TTC21B: variants seen among roughly 807,000 people sequenced by gnomAD.
TTC21B encodes the protein tetratricopeptide repeat protein 21B.
Under a neutral mutation model 175.1 loss-of-function variants are expected in TTC21B, and 127 were observed. The observed-to-expected ratio is 0.73, with a 90% confidence interval of 0.63 to 0.84. The LOEUF is 0.84. Ranked by LOEUF, TTC21B falls within the 40% of genes least tolerant of loss-of-function variation. TTC21B has a pLI of 0.00. For missense variants in TTC21B, 1,561 were observed against 1,558.3 expected, an observed-to-expected ratio of 1.00 and a Z score of -0.03; for synonymous variants, 524 against 524.5, an observed-to-expected ratio of 1.00 and a Z score of 0.01.
intron 10 of TTC21B, 30 bp downstream of exon 10, chr2:165,929,620 T>C: frequency 6.9e-7 from 1 of 1,441,816 alleles, no homozygotes; most frequent in South Asian, 1.1e-5. Flanking sequence ...ACAGCTAGCA[T>C]CTACCAGCTG....
intron 4 of TTC21B, among the ~76,000 whole-genome samples, chr2:165,944,602 A>C (rs1476610841): frequency 6.6e-6 from 1 of 152,082 alleles, no homozygotes; most frequent in African/African-American, 2.4e-5. Context: ...CTGGATTTGC[A>C]CTCTAATAAA....
At position 165,890,579 on chromosome 2, in the gene TTC21B, A is replaced by C; in HGVS notation, c.3163T>G (p.Trp1055Gly). The C allele has an allele frequency of 6.2e-7, 1 of 1,613,800 alleles. No homozygotes were observed. The highest frequency in any genetic ancestry group is 8.5e-7 in the Non-Finnish European group (1 of 1,179,764). Residue 1055 changes from tryptophan (W) to glycine (G), a missense_variant, in exon 24 of 29, where the codon TGG becomes GGG. By Grantham distance (184) the Trp-to-Gly change is radical. Coordinates refer to ENST00000243344, the MANE Select transcript of TTC21B (RefSeq NM_024753.5). Reference sequence around the variant, plus strand: ...ATATTATAAAGGGCATTTTGGCCCCAGTCACGATCTTTCCGAGCTTTATTA... The same window carrying C: ...ATATTATAAAGGGCATTTTGGCCCCCGTCACGATCTTTCCGAGCTTTATTA... ...HFNKARKDRD[W>G]GQNALYNMIE...
At chr2:165,950,033 G>A (rs577990999) in intron 1 of TTC21B, 4 of 169,154 alleles carry the variant, frequency 2.4e-5, no homozygotes, top group East Asian at 3.3e-4. Flanking sequence ...TTTCTTGAAC[G>A]TTTTAGAAAA....
At chr2:165,912,378 CA>C in intron 17 of TTC21B, 135 bp downstream of exon 17, 1 of 753,720 alleles carries the variant, frequency 1.3e-6, no homozygotes, top group South Asian at 1.4e-5. Flanking sequence ...AGGCCTTTAA[CA>C]CAAATCCCAG....
chr2:165,918,981 C>A (rs921412969), intron 13 of TTC21B, among the ~76,000 whole-genome samples: 5 of 152,028 alleles, frequency 3.3e-5, no homozygotes, highest in African/African-American at 1.2e-4. Flanking sequence ...GCATTTAATT[C>A]TCATTGTAAC....
rs1170148790 is a variant in TTC21B at position 165,900,001 on chromosome 2, T to C, written c.2758-121A>G. On this transcript the variant is annotated intron_variant, in intron 20 of 28. Coordinates refer to ENST00000243344, the MANE Select transcript of TTC21B (RefSeq NM_024753.5). Reference sequence around the variant, plus strand: ...AGTCATTGCAATAAAATGCCAAGTATAATAGACAAAAAAAAAAAAAAAACA... The same window carrying C: ...AGTCATTGCAATAAAATGCCAAGTACAATAGACAAAAAAAAAAAAAAAACA... The C allele has an allele frequency of 3.1e-5, 4 of 127,992 alleles. No individual in the cohort carries two copies. The East Asian group carries it at 6.6e-4, about 21-fold the overall frequency. 7.9% of individuals were successfully genotyped at this position (127,992 alleles called of 1,614,324 possible).
intron 3 of TTC21B, chr2:165,947,846 C>T (rs779242831): frequency 1.3e-5 from 2 of 152,258 alleles, no homozygotes; most frequent in Non-Finnish European, 2.9e-5. Flanking sequence ...AGAGTTAGCA[C>T]TCAGGTTCCT....
At chr2:165,912,870 T>C (rs1463841180) in intron 16 of TTC21B, among the ~76,000 whole-genome samples, 1 of 152,192 alleles carries the variant, frequency 6.6e-6, no homozygotes, top group African/African-American at 2.4e-5. Context: ...AATAACAATA[T>C]GTGGACTAAG....
At chr2:165,951,456 A>T (rs1553516900) in intron 1 of TTC21B, among the ~76,000 whole-genome samples, 1 of 152,224 alleles carries the variant, frequency 6.6e-6, no homozygotes, top group Non-Finnish European at 1.5e-5. Context: ...AATAAAAAAA[A>T]AATGTGTCCT....
intron 12 of TTC21B, among the ~76,000 whole-genome samples, chr2:165,924,047 C>T (rs1224661573): frequency 6.6e-6 from 1 of 152,070 alleles, no homozygotes; most frequent in Non-Finnish European, 1.5e-5. Flanking sequence ...GCCACCGCAC[C>T]CAGCCATGAT....
chr2:165,901,058 T>C (rs1297968825), intron 20 of TTC21B, among the ~76,000 whole-genome samples: 1 of 151,842 alleles, frequency 6.6e-6, no homozygotes, highest in Non-Finnish European at 1.5e-5. Flanking sequence ...TATGCCACCA[T>C]GCCTGGCTAA....
chr2:165,873,421 A>G lies in TTC21B; in HGVS notation c.*1334T>C, dbSNP rs1684566874. Reference sequence around the variant, plus strand: ...AAAATTGAGGACTGTGTTTACTACAATTTTAAGGAAAATTGAAAAAGATGT... The same window carrying G: ...AAAATTGAGGACTGTGTTTACTACAGTTTTAAGGAAAATTGAAAAAGATGT... On this transcript the variant is annotated 3_prime_UTR_variant, in exon 29 of 29. Coordinates refer to ENST00000243344, the MANE Select transcript of TTC21B (RefSeq NM_024753.5). 6.6e-6 allele frequency: 1 copy of G among 152,204 alleles called. No homozygotes were observed. Among genetic ancestry groups the G allele is most frequent in the African/African-American group, 2.4e-5 (1 of 41,450 alleles). The allele number at this position is 152,204 out of a possible 1,614,324, so 9.4% of individuals were successfully genotyped here. A position where few individuals can be genotyped will look rare whatever the true frequency, so the allele number is the denominator to read the frequency against.
In TTC21B at chr2:165,911,441, G is replaced by A. The variant is rs1220947316; in HGVS notation, c.2347C>T (p.Leu783=). ...AGATAATTCTTTTGTCCAGTTTTCAGAGCAGCTTCATAGTAAGTGATTGCC... is the reference window on the plus strand; with the variant it reads ...AGATAATTCTTTTGTCCAGTTTTCAAAGCAGCTTCATAGTAAGTGATTGCC... ...SMAITYYEAA[L]KTGQKNYLCY... Residue 783 remains leucine, a synonymous_variant, in exon 18 of 29, where the codon CTG becomes TTG. Transcript: ENST00000243344. The A allele has an allele frequency of 6.2e-6, 10 of 1,613,700 alleles. No individual in the cohort carries two copies. The highest frequency in any genetic ancestry group is 8.5e-6 in the Non-Finnish European group (10 of 1,179,862).
intron 4 of TTC21B, among the ~76,000 whole-genome samples, chr2:165,944,231 C>T (rs1687471353): frequency 6.6e-6 from 1 of 152,120 alleles, no homozygotes; most frequent in Non-Finnish European, 1.5e-5. Context: ...CATCTGCTAT[C>T]TCCATCTTAC....
intron 13 of TTC21B, among the ~76,000 whole-genome samples, chr2:165,918,071 G>A (rs964137823): frequency 6.6e-6 from 1 of 152,154 alleles, no homozygotes; most frequent in Non-Finnish European, 1.5e-5. Flanking sequence ...GACTCAGAAC[G>A]AGGTGACGTG....
chr2:165,892,402 C>T (rs1685224751), intron 22 of TTC21B, among the ~76,000 whole-genome samples: 2 of 152,112 alleles, frequency 1.3e-5, no homozygotes, highest in Non-Finnish European at 2.9e-5. Context: ...AACAGGTATT[C>T]GTACACCAAC....
intron 14 of TTC21B, 93 bp from the exon 15 acceptor site, chr2:165,915,532 T>G (rs1168658535): frequency 5.0e-6 from 5 of 991,682 alleles, no homozygotes; most frequent in Non-Finnish European, 8.0e-6. Context: ...AATGAATAAA[T>G]GCTAGTACAT....
At chr2:165,919,641 G>A (rs948203058) in intron 12 of TTC21B, among the ~76,000 whole-genome samples, 36 of 152,274 alleles carry the variant, frequency 2.4e-4, no homozygotes, top group African/African-American at 8.2e-4. Context: ...AGTCAGGCAA[G>A]TTCTTGATCC....
chr2:165,914,682 T>TGTGTGTGTGTGTGTGTGTGCGCGCGC (rs1158957654), intron 15 of TTC21B, among the ~76,000 whole-genome samples: 1 of 149,760 alleles, frequency 6.7e-6, no homozygotes, highest in African/African-American at 2.5e-5. Context: ...TGTGTGTGTG[T>TGTGTGTGTGTGTGTGTGTGCGCGCGC]GTGTGTGTGT....
Sources: gnomAD v4.1 joint callset for allele counts (sites outside exome capture counted in the v4.1 genomes callset) on GRCh38, gnomAD v4.1.1 for gene constraint, MANE v1.5 for transcripts, NCBI Gene and HGNC (gene_info 2026-07-23, HGNC 2026-07-21) for gene names.